The following FGD4 variants were observed in gnomAD, a reference collection of about 807,000 sequenced individuals.
FGD4 encodes the protein FYVE, RhoGEF and PH domain containing 4.
A neutral mutation model predicts 102.0 loss-of-function variants in FGD4; 42 were observed. That is an observed-to-expected ratio of 0.41 (90% CI 0.32 to 0.53). The LOEUF (loss-of-function observed/expected upper bound fraction) is 0.53. Ranked by LOEUF, FGD4 falls within the 20% of genes least tolerant of loss-of-function variation. FGD4 has a pLI of 0.21. For synonymous variants in FGD4, 380 were observed against 375.7 expected, an observed-to-expected ratio of 1.01 and a Z score of -0.13; for missense variants, 902 against 1,078.2, an observed-to-expected ratio of 0.84 and a Z score of 2.29.
chr12:32,455,336 G>T (rs1287315144), intron 1 of FGD4, among the ~76,000 whole-genome samples: 3 of 152,000 alleles, frequency 2.0e-5, no homozygotes, highest in Non-Finnish European at 4.4e-5. Context: ...AGCCTTTTTA[G>T]ACATATGGCT....
intron 10 of FGD4, among the ~76,000 whole-genome samples, chr12:32,613,040 G>A (rs1315896592): frequency 8.5e-5 from 13 of 152,132 alleles, no homozygotes. Context: ...CAAAGAATAA[G>A]CTAACATTGA....
intron 1 of FGD4, among the ~76,000 whole-genome samples, chr12:32,434,171 C>G (rs530603110): frequency 9.9e-5 from 15 of 152,226 alleles, no homozygotes; most frequent in Non-Finnish European, 2.2e-4. Context: ...ATATTTAAAC[C>G]TGAATTGCAC....
In FGD4 at chr12:32,451,834, C is replaced by CAAAAAAAAAAAAAAAAAAAAAAAAAAAA. The variant is rs60760923; in HGVS notation, c.166+51878_166+51905dup. Reference sequence around the variant, plus strand: ...GGGCAACAAAAGCGAAACTCCATCTCAAAAAAAAAAAAAAAAAAAAAAAAA... The same window carrying CAAAAAAAAAAAAAAAAAAAAAAAAAAAA: ...GGGCAACAAAAGCGAAACTCCATCTCAAAAAAAAAAAAAAAAAAAAAAAAAAAAAAAAAAAAAAAAAAAAAAAAAAAAA... On this transcript the variant is annotated intron_variant, in intron 1 of 16. Coordinates refer to ENST00000534526, the MANE Select transcript of FGD4 (RefSeq NM_001370298.3). Among the ~76,000 whole-genome samples the CAAAAAAAAAAAAAAAAAAAAAAAAAAAA allele has an allele frequency of 8.3e-5, 2 of 24,144 alleles. 1 individual carries two copies. The allele number at this position is 24,144 out of a possible 152,430, so 15.8% of individuals were successfully genotyped here.
intron 1 of FGD4, among the ~76,000 whole-genome samples, chr12:32,435,115 G>A (rs1942183398): frequency 6.6e-6 from 1 of 152,058 alleles, no homozygotes; most frequent in Non-Finnish European, 1.5e-5. Context: ...GGCTAATTTT[G>A]TATTTTTAAT....
At chr12:32,566,398 C>T (rs528290009) in intron 2 of FGD4, among the ~76,000 whole-genome samples, 2 of 152,224 alleles carry the variant, frequency 1.3e-5, no homozygotes, top group African/African-American at 4.8e-5. Context: ...CACAGCACTC[C>T]GTATGAACTT....
chr12:32,515,144 C>G (rs1592069676), intron 1 of FGD4, among the ~76,000 whole-genome samples: 1 of 152,272 alleles, frequency 6.6e-6, no homozygotes, highest in East Asian at 1.9e-4. Flanking sequence ...ATTACCAATC[C>G]CATTTCAACA....
intron 1 of FGD4, among the ~76,000 whole-genome samples, chr12:32,469,169 C>G (rs1405437619): frequency 6.6e-6 from 1 of 152,100 alleles, no homozygotes; most frequent in Non-Finnish European, 1.5e-5. Flanking sequence ...CATACGCAAA[C>G]AGTATATACT....
intron 1 of FGD4, among the ~76,000 whole-genome samples, chr12:32,473,228 C>T (rs1159843680): frequency 1.3e-5 from 2 of 151,972 alleles, no homozygotes; most frequent in African/African-American, 2.4e-5. Context: ...GCAGGCTGCC[C>T]GAGCCAGCAT....
intron 1 of FGD4, among the ~76,000 whole-genome samples, chr12:32,561,101 T>TG (rs1944542631): frequency 7.8e-6 from 1 of 128,736 alleles, no homozygotes; most frequent in East Asian, 2.2e-4. Context: ...TTTTTTTTTT[T>TG]GAGATGGAGT....
At chr12:32,603,032 A>T (rs1373797904) in intron 7 of FGD4, among the ~76,000 whole-genome samples, 1 of 152,212 alleles carries the variant, frequency 6.6e-6, no homozygotes, top group African/African-American at 2.4e-5. Context: ...ACTTCAGATT[A>T]TACTCACCTT....
At chr12:32,551,705 T>C (rs542327141) in intron 1 of FGD4, among the ~76,000 whole-genome samples, 60 of 152,344 alleles carry the variant, frequency 3.9e-4, no homozygotes, top group African/African-American at 1.3e-3. Context: ...TAAGTGTGCA[T>C]GTGCCTAGCA....
chr12:32,400,050 TC>T, intron 1 of FGD4, 91 bp downstream of exon 1: 1 of 1,389,498 alleles, frequency 7.2e-7, no homozygotes, highest in Non-Finnish European at 9.3e-7. Context: ...CGCCCTCTCG[TC>T]CCCCGCTGCG....
At chr12:32,543,461 C>T (rs1442211136) in intron 1 of FGD4, among the ~76,000 whole-genome samples, 2 of 152,152 alleles carry the variant, frequency 1.3e-5, no homozygotes, top group Non-Finnish European at 2.9e-5. Context: ...TGCTTCTGAT[C>T]ATTACTTGGT....
intron 1 of FGD4, among the ~76,000 whole-genome samples, chr12:32,540,979 A>G (rs754390381): frequency 6.6e-6 from 1 of 152,224 alleles, no homozygotes; most frequent in Non-Finnish European, 1.5e-5. Flanking sequence ...TCATTGAATG[A>G]ATAAAATAGT....
chr12:32,511,203 G>T (rs1939325618), intron 1 of FGD4: 1 of 152,226 alleles, frequency 6.6e-6, no homozygotes, highest in Admixed American at 6.5e-5. Context: ...GCATGAAGCG[G>T]TGCAAAACTT....
chr12:32,619,135 A>C (rs1443021926), intron 10 of FGD4, among the ~76,000 whole-genome samples: 1 of 152,228 alleles, frequency 6.6e-6, no homozygotes, highest in Non-Finnish European at 1.5e-5. Context: ...TTAGTGCAGT[A>C]GTACAAAATT....
At position 32,533,889 on chromosome 12, in the gene FGD4, T is replaced by C. The variant is rs185252820; in HGVS notation, c.167-30248T>C. 2.8e-3 allele frequency among the ~76,000 whole-genome samples: 423 copies of C among 152,372 alleles called. 3 individuals carry two copies. Among genetic ancestry groups the C allele is most frequent in the African/African-American group, 9.7e-3 (403 of 41,586 alleles). Reference sequence around the variant, plus strand: ...ATTTGTATGTAGTATTTATTAATTCTGTATTATTTAGTCACTGAAATCAAT... The same window carrying C: ...ATTTGTATGTAGTATTTATTAATTCCGTATTATTTAGTCACTGAAATCAAT... On this transcript the variant is annotated intron_variant, in intron 1 of 16. Transcript: ENST00000534526.
At chr12:32,574,797 AG>A (rs930252047) in intron 2 of FGD4, 15 of 152,198 alleles carry the variant, frequency 9.9e-5, no homozygotes, top group African/African-American at 2.9e-4. Context: ...ACTAAAAACC[AG>A]GGGAACCAGC....
chr12:32,410,197 G>A (rs915402830), intron 1 of FGD4, among the ~76,000 whole-genome samples: 6 of 151,972 alleles, frequency 3.9e-5, no homozygotes, highest in African/African-American at 1.5e-4. Context: ...GTCTGGTGGC[G>A]GGCGCCTGCA....
Sources: allele counts gnomAD v4.1 joint callset (sites outside exome capture counted in the v4.1 genomes callset), GRCh38; gene constraint gnomAD v4.1.1; transcripts MANE v1.5; gene names NCBI Gene and HGNC (gene_info 2026-07-23, HGNC 2026-07-21).